The following GNAL variants were observed in gnomAD, a reference collection of about 807,000 sequenced individuals.
GNAL encodes G protein subunit alpha L.
In GNAL, 18 loss-of-function variants were observed where a neutral mutation model predicts 55.1. The observed-to-expected ratio is 0.33, with a 90% CI of 0.23 to 0.48. The LOEUF (loss-of-function observed/expected upper bound fraction) is 0.48. Ranked by LOEUF, GNAL falls within the 20% of genes least tolerant of loss-of-function variation. The pLI is 0.99. For missense variants in GNAL, 412 were observed against 614.1 expected (o/e 0.67, Z 3.48); for synonymous variants, 253 against 237.0 (o/e 1.07, Z -0.62).
At chr18:11,862,589 G>T in intron 6 of GNAL, 140 bp downstream of exon 6, 2 of 673,202 alleles carry the variant, frequency 3.0e-6, no homozygotes, top group Non-Finnish European at 5.4e-6. Flanking sequence ...ACTGCCCTGT[G>T]TGTGTGCGTG....
chr18:11,721,855 C>T (rs961486709), intron 1 of GNAL, among the ~76,000 whole-genome samples: 2 of 151,504 alleles, frequency 1.3e-5, no homozygotes, highest in African/African-American at 4.9e-5. Context: ...CATTGCACTC[C>T]AGCCTGGGAG....
At chr18:11,854,422 CAATT>C (rs1300036603) in intron 5 of GNAL, 11 of 167,024 alleles carry the variant, frequency 6.6e-5, no homozygotes, top group Admixed American at 1.3e-4. Context: ...AAGAATTTGT[CAATT>C]AAATCATTTT....
intron 10 of GNAL, among the ~76,000 whole-genome samples, chr18:11,875,250 C>G (rs911444444): frequency 6.6e-6 from 1 of 152,142 alleles, no homozygotes; most frequent in Non-Finnish European, 1.5e-5. Flanking sequence ...CCTGGAGGCT[C>G]CGAGCTTTCC....
chr18:11,737,715 G>C (rs921762225), intron 1 of GNAL, among the ~76,000 whole-genome samples: 2 of 152,226 alleles, frequency 1.3e-5, no homozygotes, highest in African/African-American at 2.4e-5. Flanking sequence ...CTGAAATCCG[G>C]ATGCCTCTGC....
chr18:11,703,642 CT>C (rs1329516377), intron 1 of GNAL, among the ~76,000 whole-genome samples: 2 of 152,188 alleles, frequency 1.3e-5, no homozygotes, highest in Admixed American at 1.3e-4. Flanking sequence ...ATCCAGTGGA[CT>C]TCGCTGTGCC....
intron 4 of GNAL, among the ~76,000 whole-genome samples, chr18:11,779,885 A>G (rs953831687): frequency 6.6e-6 from 1 of 152,254 alleles, no homozygotes; most frequent in African/African-American, 2.4e-5. Flanking sequence ...TTGTGCAGTC[A>G]TTAACAAAAA....
At chr18:11,715,187 C>T (rs1373718795) in intron 1 of GNAL, among the ~76,000 whole-genome samples, 3 of 150,996 alleles carry the variant, frequency 2.0e-5, no homozygotes, top group Non-Finnish European at 3.0e-5. Context: ...AGGCCGGGCG[C>T]GGTGGCTCAC....
At chr18:11,852,504 A>G (rs2035900506) in intron 5 of GNAL, 1 of 199,952 alleles carries the variant, frequency 5.0e-6, no homozygotes, top group Admixed American at 5.3e-5. Flanking sequence ...GGTGCATAAA[A>G]GTTAAAGAGA....
chr18:11,832,492 A>T (rs73407457), intron 5 of GNAL, among the ~76,000 whole-genome samples: 2 of 152,188 alleles, frequency 1.3e-5, no homozygotes, highest in African/African-American at 4.8e-5. Flanking sequence ...CTCAGCTTTC[A>T]GGACAATCTG....
At chr18:11,841,349 C>T (rs989076358) in intron 5 of GNAL, among the ~76,000 whole-genome samples, 6 of 151,892 alleles carry the variant, frequency 4.0e-5, no homozygotes, top group Non-Finnish European at 5.9e-5. Context: ...TTGTGGTTCC[C>T]GGAAAAGATA....
At chr18:11,845,005 A>C (rs2035700080) in intron 5 of GNAL, among the ~76,000 whole-genome samples, 1 of 152,088 alleles carries the variant, frequency 6.6e-6, no homozygotes. Flanking sequence ...AGCTGGGACT[A>C]CAGGCATGTG....
intron 6 of GNAL, among the ~76,000 whole-genome samples, chr18:11,862,672 A>C (rs1052695137): frequency 6.6e-6 from 1 of 152,202 alleles, no homozygotes. Context: ...GCCAGCATGC[A>C]AATGAGTTTA....
At chr18:11,840,908 TC>T (rs1287066907) in intron 5 of GNAL, among the ~76,000 whole-genome samples, 3 of 148,338 alleles carry the variant, frequency 2.0e-5, no homozygotes, top group African/African-American at 7.5e-5. Context: ...ACAGTCTCAC[TC>T]TGTCGCCCAG....
rs759865400 is a variant in GNAL, at chr18:11,881,178, C to T, written c.*43C>T. 172 of 1,552,956 alleles carry T rather than the reference C, an allele frequency of 1.1e-4. 1 individual carries two copies. The highest frequency in any genetic ancestry group is 1.0e-4 in the Non-Finnish European group (115 of 1,143,534). ...TGCGACGGAGCGGCGCCCCGGACTG[C>T]CTGACTGCCAGCCCCATGCCATGGT... On this transcript the variant is annotated 3_prime_UTR_variant, in exon 12 of 12. Transcript: ENST00000334049. This position sits in a 1 kb window ranked among gnomAD's most constrained non-coding sequence, Gnocchi z 4.8.
intron 5 of GNAL, among the ~76,000 whole-genome samples, chr18:11,825,515 G>C (rs1404903019): frequency 1.3e-5 from 2 of 152,110 alleles, no homozygotes; most frequent in African/African-American, 4.8e-5. Context: ...CGGATCACCT[G>C]AGGTCAGGAG....
intron 1 of GNAL, among the ~76,000 whole-genome samples, chr18:11,730,037 TTTTC>T (rs2032300440): frequency 6.6e-6 from 1 of 151,550 alleles, no homozygotes; most frequent in African/African-American, 2.4e-5. Flanking sequence ...TTTTCTTTTC[TTTTC>T]TTTTTTTTTT....
intron 4 of GNAL, among the ~76,000 whole-genome samples, chr18:11,758,992 G>A (rs1294167801): frequency 6.6e-6 from 1 of 151,874 alleles, no homozygotes; most frequent in Non-Finnish European, 1.5e-5. Context: ...GGCCAACGTG[G>A]TGAAACCCCG....
At chr18:11,714,313 A>T (rs1299062446) in intron 1 of GNAL, among the ~76,000 whole-genome samples, 1 of 152,190 alleles carries the variant, frequency 6.6e-6, no homozygotes, top group African/African-American at 2.4e-5. Flanking sequence ...TTTTTCCAAA[A>T]GAGGATTTTA....
chr18:11,704,786 T>TA (rs1489734793), intron 1 of GNAL, among the ~76,000 whole-genome samples: 1 of 140,644 alleles, frequency 7.1e-6, no homozygotes, highest in Non-Finnish European at 1.5e-5. Context: ...TATCAATTTT[T>TA]TTTTAATTTA....
Sources: allele counts gnomAD v4.1 joint callset (sites outside exome capture counted in the v4.1 genomes callset), GRCh38; gene constraint gnomAD v4.1.1; non-coding constraint Gnocchi (gnomAD v3.1); transcripts MANE v1.5; gene names NCBI Gene and HGNC (gene_info 2026-07-23, HGNC 2026-07-21).